TAFA3: variants seen among roughly 807,000 people sequenced by gnomAD.
TAFA3 encodes chemokine-like protein TAFA-3.
TAFA3 carries 17 observed loss-of-function variants against 20.7 expected under a neutral mutation model. The ratio of observed to expected loss-of-function variants is 0.82; its 90% confidence interval spans 0.56 to 1.23. The LOEUF is 1.23. Ranked by LOEUF, TAFA3 falls within the 50% of genes most tolerant of loss-of-function variation. TAFA3 has a pLI of 0.00. For missense variants in TAFA3, 174 were observed against 172.8 expected (o/e 1.01, Z -0.04); for synonymous variants, 74 against 71.8 (o/e 1.03, Z -0.16).
At chr1:112,722,125 CT>C in intron 2 of TAFA3, 107 bp from the exon 3 acceptor site, 1 of 1,140,922 alleles carries the variant, frequency 8.8e-7, no homozygotes, top group South Asian at 1.4e-5. Flanking sequence ...CAAGGTGTGC[CT>C]CCTCCCCATC....
intron 5 of TAFA3, among the ~76,000 whole-genome samples, chr1:112,724,816 C>CAAA: frequency 0.13 from 2,997 of 22,326 alleles, 239 homozygotes; most frequent in Middle Eastern, 0.3. Flanking sequence ...ATTAGAGCAG[C>CAAA]AAAAAAAAAA....
chr1:112,721,577 G>A (rs891577159), intron 2 of TAFA3, among the ~76,000 whole-genome samples: 2 of 152,220 alleles, frequency 1.3e-5, no homozygotes, highest in African/African-American at 4.8e-5. Context: ...GCCTCCCAAA[G>A]TGCTGGAATT....
At chr1:112,720,408 C>G in intron 1 of TAFA3, 169 bp from the exon 2 acceptor site, 1 of 152,288 alleles carries the variant, frequency 6.6e-6, no homozygotes, top group East Asian at 1.9e-4. Flanking sequence ...ATTCCCAGGC[C>G]AGAAGAGACT....
At chr1:112,722,426 C>T (rs958290037) in intron 3 of TAFA3, 78 bp downstream of exon 3, 11 of 1,249,606 alleles carry the variant, frequency 8.8e-6, no homozygotes, top group African/African-American at 1.5e-5. Flanking sequence ...CACCGTGTTC[C>T]ATAGCAGGCA....
rs745456368 is a variant in TAFA3 at position 112,726,892 on chromosome 1, T to A, written c.*252T>A. 2.6e-4 allele frequency: 145 copies of A among 549,844 alleles called. No homozygotes were observed. The highest frequency in any genetic ancestry group is 4.0e-4 in the Non-Finnish European group (125 of 309,816). 34.1% of individuals were successfully genotyped at this position (549,844 alleles called of 1,614,324 possible). ...ACACAATTCCTGCCCTTAAGGAATG[T>A]CCAGTTGAATTGGAGAGTTGATGAC... On this transcript the variant is annotated 3_prime_UTR_variant, in exon 6 of 6. Coordinates refer to ENST00000361886, the MANE Select transcript of TAFA3 (RefSeq NM_182759.3).
At chr1:112,722,196 G>A (rs748876081) in intron 2 of TAFA3, 37 bp from the exon 3 acceptor site, 1 of 1,608,722 alleles carries the variant, frequency 6.2e-7, no homozygotes, top group Non-Finnish European at 8.5e-7. Flanking sequence ...GGGAGCTTCT[G>A]CCTGGAGCTG....
intron 2 of TAFA3, among the ~76,000 whole-genome samples, chr1:112,721,026 T>A (rs1381862790): frequency 2.0e-5 from 3 of 152,228 alleles, no homozygotes; most frequent in African/African-American, 7.2e-5. Context: ...GGCTCTGAAC[T>A]CTTCCACCCA....
intron 4 of TAFA3, 136 bp downstream of exon 4, chr1:112,723,301 C>T: frequency 8.3e-7 from 1 of 1,207,774 alleles, no homozygotes; most frequent in South Asian, 1.6e-5. Flanking sequence ...TGGTGGGGCC[C>T]CCTCTGGGAG....
At chr1:112,723,409 A>G (rs189760203) in intron 4 of TAFA3, among the ~76,000 whole-genome samples, 135 of 152,202 alleles carry the variant, frequency 8.9e-4, no homozygotes, top group Non-Finnish European at 1.4e-3. Context: ...TGTTGCACAC[A>G]CAGGAGCGTT....
intron 5 of TAFA3, among the ~76,000 whole-genome samples, chr1:112,724,690 C>T (rs1030743129): frequency 4.1e-5 from 6 of 146,250 alleles, no homozygotes; most frequent in Non-Finnish European, 6.0e-5. Context: ...TGCTAGATGA[C>T]GAGTTAGTGG....
At position 112,722,266 on chromosome 1, in the gene TAFA3, G is replaced by GCT; in HGVS notation, c.33_34insCT (p.Gly12LeufsTer17). The stretch of plus-strand genomic sequence containing the variant: ...AGAGGGTCGAGCGGAACTGGAGCAC[G>GCT]GGCGGCTGGCTGCTGGCACTGTGCC... On this transcript the variant is annotated frameshift_variant, in exon 3 of 6. Transcript: ENST00000361886. LOFTEE classifies it high-confidence loss of function. The GCT allele has an allele frequency of 6.2e-7, 1 of 1,614,086 alleles. No individual in the cohort carries two copies. Among genetic ancestry groups the GCT allele is most frequent in the Non-Finnish European group, 8.5e-7 (1 of 1,180,006 alleles).
At chr1:112,720,806 C>T (rs114399129) in intron 2 of TAFA3, among the ~76,000 whole-genome samples, 172 bp downstream of exon 2, 129 of 152,334 alleles carry the variant, frequency 8.5e-4, no homozygotes, top group African/African-American at 2.9e-3. Flanking sequence ...AGCTTTTGGC[C>T]TTGCTGCATC....
chr1:112,722,306 A>G lies in TAFA3; in HGVS notation c.73A>G (p.Thr25Ala). The change falls in exon 3 of 6, where the codon ACC (threonine) becomes GCC (alanine). Residue 25 changes from threonine (T) to alanine (A), a missense_variant. Transcript: ENST00000361886. ...LLALCLAWLW[T>A]HLTLAALQPP... is the part of the protein sequence containing the mutation. ...GGCACTGTGCCTGGCCTGGCTGTGG[A>G]CCCACCTGACCTTGGCTGCCTTGCA... The G allele has an allele frequency of 3.1e-6, 5 of 1,613,904 alleles. No individual in the cohort carries two copies. Among genetic ancestry groups the G allele is most frequent in the Non-Finnish European group, 4.2e-6 (5 of 1,179,994 alleles).
intron 5 of TAFA3, among the ~76,000 whole-genome samples, chr1:112,725,404 A>AAC (rs772612872): frequency 0.046 from 3,302 of 71,924 alleles, 86 homozygotes; most frequent in African/African-American, 0.12. Context: ...TTAAAAAAAA[A>AAC]AAAAAAAAAA....
At position 112,722,778 on chromosome 1, in the gene TAFA3, G is replaced by T. The variant is rs567572601; in HGVS notation, c.116-238G>T. On this transcript the variant is annotated intron_variant, in intron 3 of 5. Transcript: ENST00000361886. ...GGGCTGGTGCGGGACTCTGTCTTCT[G>T]CCCAGGGGCCGTGCTCTGCCAAAGG... 1.1e-3 allele frequency among the ~76,000 whole-genome samples: 164 copies of T among 152,290 alleles called. 1 individual carries two copies. The highest frequency in any genetic ancestry group is 3.9e-3 in the African/African-American group (161 of 41,570).
In TAFA3 at chr1:112,724,147, G is replaced by C. The variant is rs12144170; in HGVS notation, c.390+10G>C. On this transcript the variant is annotated intron_variant, in intron 5 of 5. Transcript: ENST00000361886. ...AGTCAAAACCACCAAGGTACCCTGG[G>C]TGGGCACCTCATCCCACCCTCCCCT... The C allele has an allele frequency of 0.065, 102,511 of 1,580,910 alleles. 3,750 individuals carry two copies. The highest frequency in any genetic ancestry group is 0.074 in the Non-Finnish European group (86,164 of 1,161,364).
rs199618128 is a variant in TAFA3 at position 112,726,600 on chromosome 1, C to G, written c.391-29C>G. ...TGGAATGGAATAGGCATTCCCTTCT[C>G]TAACCTTACCCTCTCGCTTCTTCAC... is the stretch of plus-strand genomic sequence containing the variant. On this transcript the variant is annotated intron_variant, in intron 5 of 5. Transcript: ENST00000361886. The G allele has an allele frequency of 6.2e-6, 10 of 1,613,600 alleles. No individual in the cohort carries two copies. The East Asian group carries it at 1.6e-4, about 25-fold the overall frequency.
In TAFA3 at chr1:112,726,762, C is replaced by T. The variant is rs1376317185; in HGVS notation, c.*122C>T. On this transcript the variant is annotated 3_prime_UTR_variant, in exon 6 of 6. Coordinates refer to ENST00000361886, the MANE Select transcript of TAFA3 (RefSeq NM_182759.3). The stretch of plus-strand genomic sequence containing the variant: ...ACATGCCTCATGTCAAATGCAGCAT[C>T]AGTCTTTCCGGGGCATTTCAGTTAA... 7.4e-6 allele frequency: 11 copies of T among 1,492,078 alleles called. No individual in the cohort carries two copies. Among genetic ancestry groups the T allele is most frequent in the Admixed American group, 1.7e-5 (1 of 58,760 alleles). 92.4% of individuals were successfully genotyped at this position (1,492,078 alleles called of 1,614,324 possible).
chr1:112,722,746 G>A (rs1675359740), intron 3 of TAFA3, among the ~76,000 whole-genome samples: 1 of 152,216 alleles, frequency 6.6e-6, no homozygotes, highest in Non-Finnish European at 1.5e-5. Flanking sequence ...AGGAAGCTGG[G>A]GAGGCGGGGC....
Sources: allele counts gnomAD v4.1 joint callset (sites outside exome capture counted in the v4.1 genomes callset), GRCh38; gene constraint gnomAD v4.1.1; transcripts MANE v1.5; gene names NCBI Gene and HGNC (gene_info 2026-07-23, HGNC 2026-07-21).